STPG4: variants seen among roughly 807,000 people sequenced by gnomAD.
The protein encoded by STPG4 is sperm-tail PG-rich repeat containing 4.
STPG4 carries 41 observed loss-of-function variants against 31.5 expected under a neutral mutation model. The observed-to-expected ratio is 1.30, with a 90% CI of 1.01 to 1.69. The LOEUF (loss-of-function observed/expected upper bound fraction) is 1.69, where lower values mean the gene tolerates loss of function less well. STPG4 is among the 40% of genes most tolerant of loss of function. STPG4 has a pLI of 0.00. For synonymous variants in STPG4, 141 were observed against 103.0 expected (o/e 1.37, Z -2.24); for missense variants, 375 against 293.4 (o/e 1.28, Z -2.03).
rs1234830232 is a variant in STPG4, at chr2:47,146,634, A to G, written c.399+4624T>C. Among the ~76,000 whole-genome samples the G allele has an allele frequency of 2.0e-5, 3 of 152,250 alleles. No individual in the cohort carries two copies. In the East Asian group the frequency reaches 5.8e-4, roughly 29 times the overall value. On this transcript the variant is annotated intron_variant, in intron 3 of 6. Transcript: ENST00000445927. Reference sequence around the variant, plus strand: ...GAAAACTATCTAGGTGGCAGATACAAATTTGGTAATCACCAACAAATACAT... The same window carrying G: ...GAAAACTATCTAGGTGGCAGATACAGATTTGGTAATCACCAACAAATACAT...
chr2:47,102,829 C>T (rs1346548431), intron 5 of STPG4, among the ~76,000 whole-genome samples: 2 of 151,948 alleles, frequency 1.3e-5, no homozygotes, highest in East Asian at 3.9e-4. Flanking sequence ...TGATTTAAAG[C>T]AGATCAAGGC....
At chr2:47,089,036 G>A (rs6733565) in intron 6 of STPG4, among the ~76,000 whole-genome samples, 71,045 of 151,918 alleles carry the variant, frequency 0.47, 17,891 homozygotes, top group African/African-American at 0.66. Flanking sequence ...CAACCTTCTG[G>A]TTGTCTTCAG....
Position 47,127,484 on chromosome 2 carries a change from G to A in STPG4, c.519+2457C>T, listed in dbSNP as rs188254026. 2.4e-3 allele frequency among the ~76,000 whole-genome samples: 363 copies of A among 152,074 alleles called. 1 individual carries two copies. Among genetic ancestry groups the A allele is most frequent in the Non-Finnish European group, 2.1e-3 (143 of 67,970 alleles). On this transcript the variant is annotated intron_variant, in intron 5 of 6. Coordinates refer to ENST00000445927, the MANE Select transcript of STPG4 (RefSeq NM_001163561.2). ...AGCTTTTGCCATGTTGGCCAGACTG[G>A]TCTTGAAGTCTTGGCCTCAAGCCGT...
At chr2:47,101,073 A>G (rs1175602918) in intron 5 of STPG4, among the ~76,000 whole-genome samples, 1 of 151,828 alleles carries the variant, frequency 6.6e-6, no homozygotes, top group Non-Finnish European at 1.5e-5. Context: ...ACCATCACCT[A>G]TCGCCAAGCA....
chr2:47,144,486 C>A (rs1686777940), intron 3 of STPG4, among the ~76,000 whole-genome samples: 1 of 151,964 alleles, frequency 6.6e-6, no homozygotes, highest in African/African-American at 2.4e-5. Context: ...GAGTTTAAAA[C>A]CAGCCTGGGT....
intron 1 of STPG4, among the ~76,000 whole-genome samples, chr2:47,153,366 A>G (rs1686972692): frequency 6.6e-6 from 1 of 152,220 alleles, no homozygotes; most frequent in Non-Finnish European, 1.5e-5. Flanking sequence ...CAGCTCTGCC[A>G]CTTACCAGCT....
At chr2:47,131,710 A>C (rs1686488097) in intron 3 of STPG4, among the ~76,000 whole-genome samples, 1 of 152,238 alleles carries the variant, frequency 6.6e-6, no homozygotes. Context: ...CTTTTAAGAA[A>C]GGCAGGACTT....
chr2:47,154,292 G>C (rs1686987795), intron 1 of STPG4, among the ~76,000 whole-genome samples: 1 of 152,158 alleles, frequency 6.6e-6, no homozygotes, highest in Admixed American at 6.5e-5. Flanking sequence ...TTCTTCGCGA[G>C]ATTTATGTTG....
intron 5 of STPG4, among the ~76,000 whole-genome samples, chr2:47,123,524 T>A (rs1195004913): frequency 6.6e-6 from 1 of 152,084 alleles, no homozygotes; most frequent in Non-Finnish European, 1.5e-5. Context: ...TGCTATGAAG[T>A]AAAAAATAAA....
intron 3 of STPG4, among the ~76,000 whole-genome samples, chr2:47,134,751 A>C (rs1046196602): frequency 6.6e-6 from 1 of 152,144 alleles, no homozygotes; most frequent in Non-Finnish European, 1.5e-5. Flanking sequence ...CTTATGTAAG[A>C]GTATGTTTAG....
chr2:47,114,885 A>G (rs1300856963), intron 5 of STPG4, among the ~76,000 whole-genome samples: 2 of 152,124 alleles, frequency 1.3e-5, no homozygotes, highest in Non-Finnish European at 2.9e-5. Context: ...CTCCTGCCTC[A>G]GCATCCTAAG....
intron 3 of STPG4, among the ~76,000 whole-genome samples, chr2:47,136,447 C>G (rs1686599280): frequency 6.6e-6 from 1 of 152,200 alleles, no homozygotes; most frequent in Non-Finnish European, 1.5e-5. Context: ...CACGCCCAGC[C>G]AAGTTCTTCT....
chr2:47,103,415 C>A (rs906799837), intron 5 of STPG4, among the ~76,000 whole-genome samples: 14 of 151,818 alleles, frequency 9.2e-5, no homozygotes, highest in African/African-American at 3.2e-4. Flanking sequence ...GGGCCCTGAA[C>A]AAATTCTAGA....
intron 5 of STPG4, among the ~76,000 whole-genome samples, chr2:47,107,948 G>C (rs924313618): frequency 3.4e-5 from 5 of 146,670 alleles, no homozygotes; most frequent in African/African-American, 7.7e-5. Context: ...CTCAGGGATT[G>C]TAAATACACC....
intron 5 of STPG4, among the ~76,000 whole-genome samples, chr2:47,126,279 C>T (rs569833195): frequency 4.4e-4 from 66 of 151,536 alleles, no homozygotes; most frequent in African/African-American, 1.6e-3. Flanking sequence ...TCTTCTTTCT[C>T]CTCTTCCTCC....
At chr2:47,094,820 C>T (rs534990994) in intron 5 of STPG4, among the ~76,000 whole-genome samples, 2 of 152,128 alleles carry the variant, frequency 1.3e-5, no homozygotes, top group African/African-American at 2.4e-5. Context: ...TCTGTCATAC[C>T]GCGAAGAAGC....
intron 5 of STPG4, among the ~76,000 whole-genome samples, chr2:47,105,839 A>G (rs1685899068): frequency 6.6e-6 from 1 of 152,090 alleles, no homozygotes; most frequent in Non-Finnish European, 1.5e-5. Context: ...CTACATGTCC[A>G]TGCTGCAATA....
chr2:47,130,094 T>C (rs908385944), intron 4 of STPG4, 99 bp from the exon 5 acceptor site: 1 of 1,473,166 alleles, frequency 6.8e-7, no homozygotes, highest in African/African-American at 1.4e-5. Flanking sequence ...TTTTAAAATG[T>C]TAATTTGCAT....
intron 5 of STPG4, among the ~76,000 whole-genome samples, chr2:47,120,191 C>G (rs1403113010): frequency 6.6e-6 from 1 of 152,058 alleles, no homozygotes; most frequent in Non-Finnish European, 1.5e-5. Context: ...ATTAGCTGGG[C>G]GTGGTGGCCC....
Sources: gnomAD v4.1 joint callset for allele counts (sites outside exome capture counted in the v4.1 genomes callset) on GRCh38, gnomAD v4.1.1 for gene constraint, MANE v1.5 for transcripts, NCBI Gene and HGNC (gene_info 2026-07-23, HGNC 2026-07-21) for gene names.